BTRC: variants seen among roughly 807,000 people sequenced by gnomAD.
The protein encoded by BTRC is beta-transducin repeat containing E3 ubiquitin protein ligase.
A neutral mutation model predicts 85.5 loss-of-function variants in BTRC; 42 were observed. That is an observed-to-expected ratio of 0.49 (90% confidence interval 0.38 to 0.64). The LOEUF (loss-of-function observed/expected upper bound fraction) is 0.64, where lower values mean the gene tolerates loss of function less well. BTRC is among the 30% of genes least tolerant of loss of function. The probability of loss-of-function intolerance (pLI) is 0.00; values close to 1 mark genes in which losing one functional copy is unlikely to be tolerated. For missense variants in BTRC, 594 were observed against 743.5 expected (o/e 0.80, Z 2.34); for synonymous variants, 255 against 263.3 (o/e 0.97, Z 0.30).
In BTRC at chr10:101,521,699, A is replaced by G. The variant is rs768085300; in HGVS notation, c.385A>G (p.Ser129Gly). The G allele has an allele frequency of 1.9e-5, 30 of 1,614,092 alleles. No individual in the cohort carries two copies. Among genetic ancestry groups the G allele is most frequent in the Middle Eastern group, 3.3e-4 (2 of 6,084 alleles). ...IVPKQRKLSA[S>G]YEKEKELCVK... is the part of the protein sequence containing the mutation. ...GCCCAAGCAACGGAAACTCTCAGCAAGCTATGAAAAGGAAAAGGAACTGTG... is the reference window on the plus strand; with the variant it reads ...GCCCAAGCAACGGAAACTCTCAGCAGGCTATGAAAAGGAAAAGGAACTGTG... Residue 129 changes from serine to glycine, a missense_variant, in exon 5 of 15, where the codon AGC becomes GGC. By Grantham distance (56) the Ser-to-Gly change is moderately conservative. This residue lies in a region of BTRC where 163 missense variants were observed against 180.5 expected (regional missense o/e 0.90). Coordinates refer to ENST00000370187, the MANE Select transcript of BTRC (RefSeq NM_033637.4).
chr10:101,541,112 A>C (rs193153692), intron 13 of BTRC, among the ~76,000 whole-genome samples: 1 of 147,160 alleles, frequency 6.8e-6, no homozygotes, highest in Admixed American at 6.8e-5. Flanking sequence ...TTTTTTCTTA[A>C]TTGCACTGGC....
chr10:101,538,300 A>G lies in BTRC; in HGVS notation c.1585A>G (p.Lys529Glu), dbSNP rs376975761. 4 of 1,613,954 alleles carry G rather than the reference A, an allele frequency of 2.5e-6. No individual in the cohort carries two copies. The highest frequency in any genetic ancestry group is 3.4e-6 in the Non-Finnish European group (4 of 1,179,852). ...IVSGAYDGKI[K>E]VWDLVAALDP... ...CCCCTTTTTGATCTTTAGAAAAATTAAAGTGTGGGATCTTGTGGCTGCTTT... is the reference window on the plus strand; with the variant it reads ...CCCCTTTTTGATCTTTAGAAAAATTGAAGTGTGGGATCTTGTGGCTGCTTT... Residue 529 changes from lysine to glutamate, a missense_variant, in exon 13 of 15, where the codon AAA becomes GAA. Lys to Glu is a moderately conservative substitution (Grantham distance 56). Coordinates refer to ENST00000370187, the MANE Select transcript of BTRC (RefSeq NM_033637.4).
At chr10:101,505,346 G>A (rs1204217941) in intron 4 of BTRC, among the ~76,000 whole-genome samples, 5 of 150,358 alleles carry the variant, frequency 3.3e-5, no homozygotes, top group Admixed American at 6.6e-5. Flanking sequence ...ATGGCCGGGC[G>A]CGGTGGCTTA....
chr10:101,491,341 T>C (rs541267416), intron 4 of BTRC, among the ~76,000 whole-genome samples: 1 of 152,320 alleles, frequency 6.6e-6, no homozygotes, highest in East Asian at 1.9e-4. Context: ...GCACTGGCAG[T>C]CCTTTCATAC....
chr10:101,495,478 G>C (rs1006189004), intron 4 of BTRC, among the ~76,000 whole-genome samples: 6 of 152,170 alleles, frequency 3.9e-5, no homozygotes, highest in Non-Finnish European at 5.9e-5. Flanking sequence ...GCACCAAACT[G>C]TGTCAGCTCT....
At chr10:101,502,896 A>G (rs1404834627) in intron 4 of BTRC, among the ~76,000 whole-genome samples, 12 of 152,230 alleles carry the variant, frequency 7.9e-5, no homozygotes, top group Admixed American at 7.9e-4. Flanking sequence ...TAAGCTAATT[A>G]TAATAAGTAA....
At chr10:101,495,960 C>T (rs1268328573) in intron 4 of BTRC, among the ~76,000 whole-genome samples, 6 of 151,816 alleles carry the variant, frequency 4.0e-5, no homozygotes, top group African/African-American at 1.5e-4. Context: ...TAACACCATA[C>T]ATTAGTTCTG....
intron 5 of BTRC, among the ~76,000 whole-genome samples, chr10:101,524,052 T>C (rs2062156969): frequency 6.6e-6 from 1 of 152,184 alleles, no homozygotes; most frequent in Admixed American, 6.5e-5. Context: ...GCCTCCCAAC[T>C]ATTAATACTA....
chr10:101,550,971 T>G, intron 14 of BTRC, 80 bp downstream of exon 14: 1 of 1,337,194 alleles, frequency 7.5e-7, no homozygotes, highest in Non-Finnish European at 1.0e-6. Context: ...TTCATGGAAC[T>G]TTCTCCTGCC....
In BTRC at chr10:101,526,229, C is replaced by T. The variant is rs373809510; in HGVS notation, c.743+30C>T. ...GCCTTTAACTTTTCTTACTCTTATA[C>T]GGCTTCAGGACCTGGCCATTCACAG... On this transcript the variant is annotated intron_variant, in intron 6 of 14. Coordinates refer to ENST00000370187, the MANE Select transcript of BTRC (RefSeq NM_033637.4). 6.5e-5 allele frequency: 104 copies of T among 1,595,542 alleles called. 1 individual carries two copies. Among genetic ancestry groups the T allele is most frequent in the African/African-American group, 6.0e-4 (45 of 74,688 alleles).
At chr10:101,487,632 C>T (rs1946023595) in intron 4 of BTRC, among the ~76,000 whole-genome samples, 1 of 152,204 alleles carries the variant, frequency 6.6e-6, no homozygotes, top group South Asian at 2.1e-4. Context: ...GGCAATATGG[C>T]AGCAGGTAAT....
At chr10:101,520,476 G>C (rs1469109662) in intron 4 of BTRC, among the ~76,000 whole-genome samples, 4 of 152,170 alleles carry the variant, frequency 2.6e-5, no homozygotes, top group Non-Finnish European at 4.4e-5. Flanking sequence ...TAGAGGTTCA[G>C]TAAATACTTA....
chr10:101,409,562 C>T (rs1313224921), intron 1 of BTRC, among the ~76,000 whole-genome samples: 2 of 152,072 alleles, frequency 1.3e-5, no homozygotes, highest in Non-Finnish European at 2.9e-5. Context: ...CTACTATATA[C>T]CTGGGCTATA....
intron 4 of BTRC, among the ~76,000 whole-genome samples, chr10:101,515,634 C>G (rs1016292425): frequency 6.6e-6 from 1 of 151,818 alleles, no homozygotes. Flanking sequence ...GCCTCAGCCT[C>G]CAGAGTAGCT....
intron 2 of BTRC, among the ~76,000 whole-genome samples, chr10:101,436,653 G>GATAC (rs1187023818): frequency 6.6e-6 from 1 of 151,798 alleles, no homozygotes; most frequent in African/African-American, 2.4e-5. Flanking sequence ...TAGATAGATA[G>GATAC]ATAGATAGAT....
intron 3 of BTRC, among the ~76,000 whole-genome samples, chr10:101,469,385 A>G (rs1292240564): frequency 2.0e-5 from 3 of 152,316 alleles, no homozygotes; most frequent in East Asian, 1.9e-4. Context: ...ATAAAGTCCT[A>G]TATATAGCCC....
intron 1 of BTRC, among the ~76,000 whole-genome samples, chr10:101,420,059 CAT>C (rs56109337): frequency 0.99 from 147,952 of 148,720 alleles, 73,597 homozygotes; most frequent in Non-Finnish European, 1. Context: ...TATATGTGTA[CAT>C]ATATATATAT....
At chr10:101,525,766 G>C (rs1175694212) in intron 5 of BTRC, among the ~76,000 whole-genome samples, 1 of 151,942 alleles carries the variant, frequency 6.6e-6, no homozygotes, top group Non-Finnish European at 1.5e-5. Flanking sequence ...GGGGTTTGCT[G>C]GTTGTTAGCT....
chr10:101,470,372 G>A (rs569018954), intron 3 of BTRC, among the ~76,000 whole-genome samples: 44 of 130,508 alleles, frequency 3.4e-4, no homozygotes, highest in South Asian at 1.4e-3. Context: ...TCGCTGTGTC[G>A]CCCAGGCTGG....
Sources: gnomAD v4.1 joint callset for allele counts (sites outside exome capture counted in the v4.1 genomes callset) on GRCh38, gnomAD v4.1.1 for gene constraint, gnomAD v4.1.1 regional missense constraint, MANE v1.5 for transcripts, NCBI Gene and HGNC (gene_info 2026-07-23, HGNC 2026-07-21) for gene names.